RBM6: variants seen among roughly 807,000 people sequenced by gnomAD.
The protein encoded by RBM6 is RNA binding motif protein 6.
In RBM6, 23 loss-of-function variants were observed where a neutral mutation model predicts 140.4. That is an observed-to-expected ratio of 0.16 (90% CI 0.12 to 0.23). The LOEUF (loss-of-function observed/expected upper bound fraction) is 0.23. Ranked by LOEUF, RBM6 falls within the 10% of genes least tolerant of loss-of-function variation. The pLI is 1.00. For synonymous variants in RBM6, 439 were observed against 475.6 expected (o/e 0.92, Z 1.00); for missense variants, 1,139 against 1,386.7 (o/e 0.82, Z 2.84).
At chr3:50,065,696 G>T in intron 16 of RBM6, 1 of 453,910 alleles carries the variant, frequency 2.2e-6, no homozygotes, top group Non-Finnish European at 4.4e-6. Context: ...CAATGATTAT[G>T]CATCATTATT....
chr3:50,071,514 T>TAA, intron 19 of RBM6, among the ~76,000 whole-genome samples: 1 of 143,202 alleles, frequency 7.0e-6, no homozygotes, highest in Non-Finnish European at 1.6e-5. Flanking sequence ...GTGAAGGTGA[T>TAA]GAGTCTAGAA....
chr3:50,028,553 G>A (rs781273169), intron 6 of RBM6, among the ~76,000 whole-genome samples: 3 of 152,122 alleles, frequency 2.0e-5, no homozygotes, highest in Non-Finnish European at 2.9e-5. Context: ...GCATTCCATT[G>A]TTAGACATGC....
At position 49,967,216 on chromosome 3, in the gene RBM6, T is replaced by C; in HGVS notation, c.45-254T>C. On this transcript the variant is annotated intron_variant, in intron 2 of 20. Coordinates refer to ENST00000266022, the MANE Select transcript of RBM6 (RefSeq NM_005777.3). The surrounding 1 kb of genome is among the most constrained non-coding windows in gnomAD (Gnocchi z 4.0). ...GTTGCAGGACTGGGTGAAAGCTTTTTCTGCAGCAGTCATGTTGAAAACCTT... is the reference window on the plus strand; with the variant it reads ...GTTGCAGGACTGGGTGAAAGCTTTTCCTGCAGCAGTCATGTTGAAAACCTT... The C allele has an allele frequency of 4.0e-6, 5 of 1,244,302 alleles. No individual in the cohort carries two copies. The highest frequency in any genetic ancestry group is 4.0e-6 in the Non-Finnish European group (4 of 992,070). The allele number at this position is 1,244,302 out of a possible 1,614,324, so 77.1% of individuals were successfully genotyped here.
At chr3:49,979,201 A>G (rs748166853) in intron 5 of RBM6, among the ~76,000 whole-genome samples, 1 of 152,190 alleles carries the variant, frequency 6.6e-6, no homozygotes, top group African/African-American at 2.4e-5. Flanking sequence ...AATTCAGTTT[A>G]TATGAAATAT....
intron 6 of RBM6, among the ~76,000 whole-genome samples, chr3:50,026,599 C>T (rs1436763754): frequency 1.4e-5 from 2 of 147,088 alleles, no homozygotes; most frequent in Non-Finnish European, 3.0e-5. Context: ...ACTAGGCAGG[C>T]GTGAACCACC....
chr3:49,968,773 T>C (rs1179002713), intron 3 of RBM6, 25 bp downstream of exon 3: 25 of 662,744 alleles, frequency 3.8e-5, no homozygotes, highest in Non-Finnish European at 4.6e-5. Context: ...TGGATTGCTT[T>C]TTTTTTTTTT....
chr3:50,075,032 T>G, intron 19 of RBM6, 169 bp from the exon 20 acceptor site: 1 of 722,088 alleles, frequency 1.4e-6, no homozygotes, highest in Non-Finnish European at 2.2e-6. Context: ...GGCGGGCACC[T>G]GCAATCCCAG....
At chr3:49,959,641 G>A (rs1386270697) in intron 1 of RBM6, among the ~76,000 whole-genome samples, 3 of 147,618 alleles carry the variant, frequency 2.0e-5, no homozygotes, top group Non-Finnish European at 4.5e-5. Flanking sequence ...TGTGACCTCG[G>A]CTCACTGCAA....
intron 6 of RBM6, among the ~76,000 whole-genome samples, chr3:50,017,983 C>G (rs1028163395): frequency 6.6e-6 from 1 of 152,204 alleles, no homozygotes; most frequent in Non-Finnish European, 1.5e-5. Context: ...CATACACAGC[C>G]TCCCCAACTA....
Position 50,070,433 on chromosome 3 carries a change from C to T in RBM6, c.3019-22C>T, listed in dbSNP as rs750404244. 2.5e-6 allele frequency: 4 copies of T among 1,579,266 alleles called. No individual in the cohort carries two copies. In the Admixed American group the frequency reaches 5.0e-5, roughly 20 times the overall value. ...ATTCCCTCAGGTGGCAATCTCAGGT[C>T]TGCTCTTCTGCTTACCAACAGGGAA... On this transcript the variant is annotated intron_variant, in intron 18 of 20. Transcript: ENST00000266022.
Position 50,057,933 on chromosome 3 carries a change from G to A in RBM6, c.1899G>A (p.Gly633=), listed in dbSNP as rs1057488255. ...ATCTGCCTCCTTCTCGAAGGGAAGGGCCAACTTTCCGAAGAGACCGAGAGA... is the reference window on the plus strand; with the variant it reads ...ATCTGCCTCCTTCTCGAAGGGAAGGACCAACTTTCCGAAGAGACCGAGAGA... ...ERYLPPSRRE[G]PTFRRDRERE... is the part of the protein sequence containing the mutation. Residue 633 remains glycine, a synonymous_variant, in exon 9 of 21, where the codon GGG becomes GGA. Coordinates refer to ENST00000266022, the MANE Select transcript of RBM6 (RefSeq NM_005777.3). 5 of 1,613,996 alleles carry A rather than the reference G, an allele frequency of 3.1e-6. No individual in the cohort carries two copies. The Admixed American group carries it at 6.7e-5, about 22-fold the overall frequency.
intron 1 of RBM6, among the ~76,000 whole-genome samples, chr3:49,942,458 C>T (rs2083326896): frequency 6.9e-6 from 1 of 145,512 alleles, no homozygotes; most frequent in Non-Finnish European, 1.5e-5. Flanking sequence ...CACTGCACTC[C>T]AGCCTGGGCA....
intron 5 of RBM6, among the ~76,000 whole-genome samples, chr3:49,989,150 T>C (rs1054111144): frequency 6.6e-6 from 1 of 152,198 alleles, no homozygotes; most frequent in Non-Finnish European, 1.5e-5. Context: ...ACTGGGTTTG[T>C]GCACCAAACG....
chr3:49,998,251 T>C (rs2086175008), intron 5 of RBM6, among the ~76,000 whole-genome samples: 1 of 152,250 alleles, frequency 6.6e-6, no homozygotes, highest in African/African-American at 2.4e-5. Context: ...TCTATTGTTC[T>C]AGTTTTGTTG....
chr3:49,956,328 C>CTTTTTT (rs34467093), intron 1 of RBM6, among the ~76,000 whole-genome samples: 14 of 72,048 alleles, frequency 1.9e-4, no homozygotes, highest in Non-Finnish European at 2.3e-4. Context: ...CCCTCCCCCG[C>CTTTTTT]TTTTTTTTTT....
chr3:49,972,946 G>A (rs915276662), intron 4 of RBM6, among the ~76,000 whole-genome samples: 14 of 151,630 alleles, frequency 9.2e-5, no homozygotes, highest in Admixed American at 7.2e-4. Flanking sequence ...TTCTCCTGCC[G>A]CAGCCTCCCG....
chr3:50,026,383 C>CT (rs750131367), intron 6 of RBM6, among the ~76,000 whole-genome samples: 1,673 of 127,644 alleles, frequency 0.013, 22 homozygotes, highest in African/African-American at 0.035. Flanking sequence ...GTGCCCGGCC[C>CT]TTTTTTTTTT....
intron 6 of RBM6, among the ~76,000 whole-genome samples, chr3:50,040,760 A>G (rs941062542): frequency 6.6e-6 from 1 of 151,556 alleles, no homozygotes; most frequent in Non-Finnish European, 1.5e-5. Context: ...AGGTTCAAGC[A>G]ACCCTCCCAC....
intron 5 of RBM6, among the ~76,000 whole-genome samples, chr3:49,998,040 G>C (rs1038562189): frequency 3.3e-5 from 5 of 152,144 alleles, no homozygotes; most frequent in African/African-American, 7.2e-5. Context: ...CTAGTAGATT[G>C]TTTTTCTTCT....
Sources: gnomAD v4.1 joint callset for allele counts (sites outside exome capture counted in the v4.1 genomes callset) on GRCh38, gnomAD v4.1.1 for gene constraint, Gnocchi (gnomAD v3.1) non-coding constraint, MANE v1.5 for transcripts, NCBI Gene and HGNC (gene_info 2026-07-23, HGNC 2026-07-21) for gene names.